GAD1: variants seen among roughly 807,000 people sequenced by gnomAD.
GAD1 encodes glutamate decarboxylase 1, also known as 67 kDa glutamic acid decarboxylase.
A neutral mutation model predicts 75.2 loss-of-function variants in GAD1; 35 were observed. The observed-to-expected ratio is 0.47, with a 90% CI of 0.36 to 0.62. The LOEUF (loss-of-function observed/expected upper bound fraction) is 0.62, where lower values mean the gene tolerates loss of function less well. Ranked by LOEUF, GAD1 falls within the 20% of genes least tolerant of loss-of-function variation. The probability of loss-of-function intolerance (pLI) is 0.00; values close to 1 mark genes in which losing one functional copy is unlikely to be tolerated. For synonymous variants in GAD1, 257 were observed against 271.9 expected (o/e 0.95, Z 0.54); for missense variants, 490 against 758.5 (o/e 0.65, Z 4.16).
At position 170,853,594 on chromosome 2, in the gene GAD1, T is replaced by G. The variant is rs1250519480; in HGVS notation, c.1264-279T>G. The G allele has an allele frequency of 2.5e-6, 1 of 404,018 alleles. No homozygotes were observed. Among genetic ancestry groups the G allele is most frequent in the Non-Finnish European group, 4.7e-6 (1 of 214,490 alleles). The allele number at this position is 404,018 out of a possible 1,614,324, so 25.0% of individuals were successfully genotyped here. On this transcript the variant is annotated intron_variant, in intron 13 of 16. Transcript: ENST00000358196. This position sits in a 1 kb window ranked among gnomAD's most constrained non-coding sequence, Gnocchi z 4.1. Reference sequence around the variant, plus strand: ...TGAATGCCGTAGCACTTCCCAATCTTGAAACAATCCCAGACACCCATACAC... The same window carrying G: ...TGAATGCCGTAGCACTTCCCAATCTGGAAACAATCCCAGACACCCATACAC...
At chr2:170,819,228 C>A (rs750136738) in intron 2 of GAD1, among the ~76,000 whole-genome samples, 1 of 151,836 alleles carries the variant, frequency 6.6e-6, no homozygotes, top group Non-Finnish European at 1.5e-5. Context: ...AAGTCAGGGG[C>A]GGGAAAGGTG....
chr2:170,828,454 C>T (rs1237652375), intron 3 of GAD1, among the ~76,000 whole-genome samples: 3 of 138,332 alleles, frequency 2.2e-5, no homozygotes, highest in Non-Finnish European at 3.1e-5. Flanking sequence ...CCGCGGTCCT[C>T]GCTGTCCTCC....
At chr2:170,827,905 G>T (rs150390985) in intron 3 of GAD1, among the ~76,000 whole-genome samples, 13 of 152,106 alleles carry the variant, frequency 8.5e-5, no homozygotes, top group Admixed American at 6.5e-4. Context: ...AGGAGAGGGG[G>T]TGGTGCAAGA....
intron 5 of GAD1, among the ~76,000 whole-genome samples, chr2:170,834,310 G>T (rs1237925455): frequency 6.6e-6 from 1 of 152,194 alleles, no homozygotes; most frequent in African/African-American, 2.4e-5. Flanking sequence ...ACACACAGTA[G>T]AAAGTATTTT....
In GAD1 at chr2:170,845,495, C is replaced by T. The variant is rs373115750; in HGVS notation, c.752-11C>T. 2.5e-6 allele frequency: 4 copies of T among 1,611,286 alleles called. No individual in the cohort carries two copies. In the African/African-American group the frequency reaches 5.3e-5, roughly 22 times the overall value. On this transcript the variant is annotated splice_polypyrimidine_tract_variant and intron_variant, in intron 7 of 16. Coordinates refer to ENST00000358196, the MANE Select transcript of GAD1 (RefSeq NM_000817.3). Reference sequence around the variant, plus strand: ...GCCCCAACACCTCCCAATATGTCCGCTTGCTGACAGGGGGCGCCATATCCA... The same window carrying T: ...GCCCCAACACCTCCCAATATGTCCGTTTGCTGACAGGGGGCGCCATATCCA...
At chr2:170,834,220 C>T (rs1702312227) in intron 5 of GAD1, among the ~76,000 whole-genome samples, 1 of 152,158 alleles carries the variant, frequency 6.6e-6, no homozygotes, top group Non-Finnish European at 1.5e-5. Context: ...GCTGTTGCTG[C>T]CGTGTCAAAA....
upstream of GAD1, among the ~76,000 whole-genome samples, chr2:170,815,561 G>C (rs1482498251): frequency 2.0e-5 from 3 of 152,108 alleles, no homozygotes; most frequent in Non-Finnish European, 4.4e-5. Flanking sequence ...GAAAACGGAC[G>C]GGCCTCCGCT....
chr2:170,836,892 CAT>C lies in GAD1; in HGVS notation c.638+12_638+13del, dbSNP rs1467351792. The C allele has an allele frequency of 3.8e-6, 6 of 1,579,824 alleles. No individual in the cohort carries two copies. Among genetic ancestry groups the C allele is most frequent in the African/African-American group, 1.3e-5 (1 of 74,224 alleles). On this transcript the variant is annotated intron_variant, in intron 6 of 16. Transcript: ENST00000358196. ...ACGGCCAATACCAACATGTAAGTCT[CAT>C]ATGTTTTCATATAAGCAACCCTGAT...
In GAD1 at chr2:170,859,924, C is replaced by T. The variant is rs1239437819; in HGVS notation, c.*42C>T. The T allele has an allele frequency of 6.3e-7, 1 of 1,583,868 alleles. No individual in the cohort carries two copies. Among genetic ancestry groups the T allele is most frequent in the Non-Finnish European group, 8.7e-7 (1 of 1,155,832 alleles). Reference sequence around the variant, plus strand: ...ATGAGTTTATGGGAATGCCTTTTCCCTCTGGCACTCCAGAACAAACCTCTA... The same window carrying T: ...ATGAGTTTATGGGAATGCCTTTTCCTTCTGGCACTCCAGAACAAACCTCTA... On this transcript the variant is annotated 3_prime_UTR_variant, in exon 17 of 17. Transcript: ENST00000358196.
At chr2:170,834,010 AAAAG>A (rs995742285) in intron 5 of GAD1, among the ~76,000 whole-genome samples, 2 of 151,924 alleles carry the variant, frequency 1.3e-5, no homozygotes, top group African/African-American at 2.4e-5. Context: ...CAAAAAAAAA[AAAAG>A]AGAGAGAGAG....
intron 15 of GAD1, 73 bp downstream of exon 15, chr2:170,857,198 G>C: frequency 8.4e-7 from 1 of 1,185,212 alleles, no homozygotes; most frequent in Non-Finnish European, 1.3e-6. Context: ...GAAGCTTCTG[G>C]CAACATGGGA....
intron 5 of GAD1, 107 bp downstream of exon 5, chr2:170,831,299 G>A (rs1702217029): frequency 3.8e-6 from 5 of 1,312,060 alleles, no homozygotes; most frequent in Non-Finnish European, 5.5e-6. Context: ...CACAGCCCTG[G>A]TGAGATAAGG....
intron 4 of GAD1, among the ~76,000 whole-genome samples, chr2:170,830,570 A>G (rs1225818808): frequency 2.0e-5 from 3 of 152,232 alleles, no homozygotes; most frequent in Non-Finnish European, 4.4e-5. Flanking sequence ...CAAGCACATC[A>G]CAACACCAAA....
intron 5 of GAD1, among the ~76,000 whole-genome samples, chr2:170,835,199 G>T (rs920188796): frequency 6.6e-6 from 1 of 152,078 alleles, no homozygotes; most frequent in Non-Finnish European, 1.5e-5. Flanking sequence ...TATCATGAAC[G>T]TCATAAATGC....
chr2:170,818,810 C>A lies in GAD1; in HGVS notation c.82+137C>A. ...GCTGGGAAATAAATGGGGCTCTGAC[C>A]CCGTCCCTGCCAGAGGTCATTCGGC... is the stretch of plus-strand genomic sequence containing the variant. On this transcript the variant is annotated intron_variant, in intron 2 of 16. Coordinates refer to ENST00000358196, the MANE Select transcript of GAD1 (RefSeq NM_000817.3). The surrounding 1 kb of genome is among the most constrained non-coding windows in gnomAD (Gnocchi z 5.9). The A allele has an allele frequency of 2.4e-6, 2 of 838,954 alleles. No individual in the cohort carries two copies. Among genetic ancestry groups the A allele is most frequent in the Non-Finnish European group, 2.0e-6 (1 of 499,928 alleles). The allele number at this position is 838,954 out of a possible 1,614,324, so 52.0% of individuals were successfully genotyped here. A position where few individuals can be genotyped will look rare whatever the true frequency, so the allele number is the denominator to read the frequency against.
rs749827641 is a variant in GAD1, at chr2:170,853,833, T to A, written c.1264-40T>A. On this transcript the variant is annotated intron_variant, in intron 13 of 16. Transcript: ENST00000358196. The surrounding 1 kb of genome is among the most constrained non-coding windows in gnomAD (Gnocchi z 4.1). ...GTTTTAAAGCCACCCACATCTCTGA[T>A]GTGTAAATGCAGATGCACCCATCTT... The A allele has an allele frequency of 6.2e-7, 1 of 1,611,428 alleles. No homozygotes were observed. The highest frequency in any genetic ancestry group is 1.1e-5 in the South Asian group (1 of 91,008).
rs1441563244 is a variant in GAD1 at position 170,853,529 on chromosome 2, C to T, written c.1264-344C>T. 5 of 310,280 alleles carry T rather than the reference C, an allele frequency of 1.6e-5. No homozygotes were observed. The highest frequency in any genetic ancestry group is 4.3e-5 in the African/African-American group (2 of 46,564). The allele number at this position is 310,280 out of a possible 1,614,324, so 19.2% of individuals were successfully genotyped here. A position where few individuals can be genotyped will look rare whatever the true frequency, so the allele number is the denominator to read the frequency against. Reference sequence around the variant, plus strand: ...AAATTCTTCACAGCATGAAACTATCCCACCCACTGAGGAATTTTCTATCTC... The same window carrying T: ...AAATTCTTCACAGCATGAAACTATCTCACCCACTGAGGAATTTTCTATCTC... On this transcript the variant is annotated intron_variant, in intron 13 of 16. Transcript: ENST00000358196. This position sits in a 1 kb window ranked among gnomAD's most constrained non-coding sequence, Gnocchi z 4.1.
chr2:170,839,824 T>C (rs1236804370), intron 6 of GAD1, among the ~76,000 whole-genome samples: 1 of 152,180 alleles, frequency 6.6e-6, no homozygotes, highest in Non-Finnish European at 1.5e-5. Flanking sequence ...AACAACAGCC[T>C]GCCCTCAAAC....
intron 3 of GAD1, among the ~76,000 whole-genome samples, chr2:170,828,178 T>A (rs1575428368): frequency 1.4e-5 from 1 of 72,034 alleles, no homozygotes; most frequent in Non-Finnish European, 3.4e-5. Context: ...CTCGCCCTCC[T>A]CTCTCTGCTG....
Sources: gnomAD v4.1 joint callset for allele counts (sites outside exome capture counted in the v4.1 genomes callset) on GRCh38, gnomAD v4.1.1 for gene constraint, Gnocchi (gnomAD v3.1) non-coding constraint, MANE v1.5 for transcripts, NCBI Gene and HGNC (gene_info 2026-07-23, HGNC 2026-07-21) for gene names.